CCDC138: variants seen among roughly 807,000 people sequenced by gnomAD.
CCDC138 encodes coiled-coil domain-containing protein 138.
In CCDC138, 66 loss-of-function variants were observed where a neutral mutation model predicts 82.3. The ratio of observed to expected loss-of-function variants is 0.80; its 90% confidence interval spans 0.66 to 0.98. The LOEUF (loss-of-function observed/expected upper bound fraction) is 0.98, where lower values mean the gene tolerates loss of function less well. CCDC138 is among the 50% of genes least tolerant of loss of function. The pLI, the probability that CCDC138 is intolerant of heterozygous loss-of-function variation, is 0.00. For missense variants in CCDC138, 816 were observed against 758.9 expected, an observed-to-expected ratio of 1.08 and a Z score of -0.88; for synonymous variants, 297 against 265.4, an observed-to-expected ratio of 1.12 and a Z score of -1.16.
At chr2:108,821,192 T>C (rs1218517461) in intron 10 of CCDC138, among the ~76,000 whole-genome samples, 1 of 152,086 alleles carries the variant, frequency 6.6e-6, no homozygotes, top group Non-Finnish European at 1.5e-5. Context: ...ACCCCATCTC[T>C]ACTAAAAGTA....
chr2:108,802,408 A>T (rs1450789550), intron 6 of CCDC138, among the ~76,000 whole-genome samples: 97 of 139,352 alleles, frequency 7.0e-4, no homozygotes, highest in Admixed American at 1.7e-3. Context: ...ATGGGAGTTC[A>T]CTCATGATGT....
chr2:108,805,029 T>C (rs1682625673), intron 7 of CCDC138, 21 bp downstream of exon 7: 2 of 1,322,388 alleles, frequency 1.5e-6, no homozygotes, highest in African/African-American at 1.5e-5. Flanking sequence ...TTTTAATATA[T>C]ACTGAACATA....
intron 10 of CCDC138, among the ~76,000 whole-genome samples, chr2:108,822,471 ACACT>A (rs1203941144): frequency 6.6e-6 from 1 of 152,194 alleles, no homozygotes; most frequent in Non-Finnish European, 1.5e-5. Flanking sequence ...CATATACAGA[ACACT>A]CTACCCAACA....
intron 12 of CCDC138, among the ~76,000 whole-genome samples, chr2:108,853,923 TTA>T (rs545348189): frequency 0.034 from 4,115 of 122,532 alleles, 312 homozygotes; most frequent in African/African-American, 0.13. Context: ...AGTATATATA[TTA>T]TATATAATTT....
intron 4 of CCDC138, among the ~76,000 whole-genome samples, chr2:108,793,213 A>G (rs1215179189): frequency 6.6e-6 from 1 of 151,298 alleles, no homozygotes; most frequent in Non-Finnish European, 1.5e-5. Flanking sequence ...AATAACAAAA[A>G]AATTAGCCGG....
intron 6 of CCDC138, 147 bp downstream of exon 6, chr2:108,798,733 ACACACAC>A: frequency 5.6e-6 from 3 of 533,672 alleles, no homozygotes; most frequent in South Asian, 3.1e-5. Context: ...ACACACACAC[ACACACAC>A]TTTTTCTGAT....
chr2:108,834,215 T>A lies in CCDC138; in HGVS notation c.1207-4970T>A, dbSNP rs1251840626. On this transcript the variant is annotated intron_variant, in intron 10 of 14. Coordinates refer to ENST00000295124, the MANE Select transcript of CCDC138 (RefSeq NM_144978.3). The stretch of plus-strand genomic sequence containing the variant: ...GAGTTTACATATTTCATCTTTGAAA[T>A]TTTTTTTTTTTTTTTGAGACAGAGT... Among the ~76,000 whole-genome samples, 8 of 112,708 alleles carry A rather than the reference T, an allele frequency of 7.1e-5. No individual in the cohort carries two copies. The East Asian group carries it at 1.1e-3, about 15-fold the overall frequency. 73.9% of individuals were successfully genotyped at this position (112,708 alleles called of 152,430 possible). A position where few individuals can be genotyped will look rare whatever the true frequency, so the allele number is the denominator to read the frequency against.
intron 6 of CCDC138, 24 bp from the exon 7 acceptor site, chr2:108,804,863 TGA>T (rs759120305): frequency 9.4e-6 from 14 of 1,483,588 alleles, no homozygotes; most frequent in East Asian, 2.5e-5. Context: ...AAGTTTTAGA[TGA>T]GAGTTTTTTT....
intron 10 of CCDC138, among the ~76,000 whole-genome samples, chr2:108,821,850 C>T (rs748992731): frequency 6.8e-6 from 1 of 147,450 alleles, no homozygotes; most frequent in African/African-American, 2.5e-5. Context: ...GAGGCTGAGG[C>T]GGGAGAATTG....
intron 10 of CCDC138, among the ~76,000 whole-genome samples, chr2:108,834,628 C>G (rs1024080920): frequency 6.6e-6 from 1 of 152,118 alleles, no homozygotes; most frequent in Admixed American, 6.6e-5. Context: ...ATCATTTTAG[C>G]CATTTATAAA....
chr2:108,845,972 T>C (rs1318692074), intron 11 of CCDC138, among the ~76,000 whole-genome samples: 1 of 152,252 alleles, frequency 6.6e-6, no homozygotes, highest in Non-Finnish European at 1.5e-5. Flanking sequence ...TTTTTTGTTT[T>C]ATTCTCCATG....
chr2:108,861,127 C>T (rs554849061), intron 13 of CCDC138, among the ~76,000 whole-genome samples: 37 of 151,088 alleles, frequency 2.4e-4, no homozygotes, highest in Non-Finnish European at 5.2e-4. Flanking sequence ...TCATAGTAGT[C>T]TCTGAGGATT....
rs572995866 is a variant in CCDC138, at chr2:108,876,386, A to G, written c.*133A>G. ...TCATGAAAAATAAATAATTTTTTTG[A>G]ACTGTAAAAATGAAATCTGTAGAAG... On this transcript the variant is annotated 3_prime_UTR_variant, in exon 15 of 15. Coordinates refer to ENST00000295124, the MANE Select transcript of CCDC138 (RefSeq NM_144978.3). 2.1e-5 allele frequency: 11 copies of G among 534,718 alleles called. No homozygotes were observed. Among genetic ancestry groups the G allele is most frequent in the African/African-American group, 1.9e-4 (10 of 52,382 alleles). 33.1% of individuals were successfully genotyped at this position (534,718 alleles called of 1,614,324 possible). A position where few individuals can be genotyped will look rare whatever the true frequency, so the allele number is the denominator to read the frequency against.
intron 13 of CCDC138, among the ~76,000 whole-genome samples, chr2:108,866,939 C>T (rs1694510840): frequency 1.3e-5 from 2 of 151,218 alleles, no homozygotes; most frequent in Non-Finnish European, 1.5e-5. Flanking sequence ...CCCTTTTCCT[C>T]CCCTGTATTA....
At chr2:108,803,782 T>C (rs1404215613) in intron 6 of CCDC138, among the ~76,000 whole-genome samples, 1 of 152,240 alleles carries the variant, frequency 6.6e-6, no homozygotes, top group Non-Finnish European at 1.5e-5. Flanking sequence ...TTAGTTGTTT[T>C]ATGGTTTATT....
chr2:108,826,717 A>G (rs1055482840), intron 10 of CCDC138, among the ~76,000 whole-genome samples: 3 of 152,072 alleles, frequency 2.0e-5, no homozygotes, highest in African/African-American at 4.8e-5. Flanking sequence ...TTTTCCATAT[A>G]TGTTCTGGGT....
At chr2:108,875,316 T>TA (rs1695855695) in intron 14 of CCDC138, among the ~76,000 whole-genome samples, 1 of 22,692 alleles carries the variant, frequency 4.4e-5, no homozygotes, top group African/African-American at 1.3e-4. Context: ...ACTTAAAGTA[T>TA]AATAAAAAAA....
At chr2:108,841,618 G>A (rs1689495268) in intron 11 of CCDC138, among the ~76,000 whole-genome samples, 1 of 151,192 alleles carries the variant, frequency 6.6e-6, no homozygotes. Context: ...TTTTTCTTTT[G>A]ACCTGCTTAT....
chr2:108,807,777 C>T (rs1273060948), intron 7 of CCDC138, among the ~76,000 whole-genome samples: 1 of 152,186 alleles, frequency 6.6e-6, no homozygotes, highest in East Asian at 1.9e-4. Context: ...ACCACCACAC[C>T]TGGCTAATTT....
Sources: allele counts gnomAD v4.1 joint callset (sites outside exome capture counted in the v4.1 genomes callset), GRCh38; gene constraint gnomAD v4.1.1; transcripts MANE v1.5; gene names NCBI Gene and HGNC (gene_info 2026-07-23, HGNC 2026-07-21).